The following SLC5A10 variants were observed in gnomAD, a reference collection of about 807,000 sequenced individuals.
The protein encoded by SLC5A10 is solute carrier family 5 member 10.
Under a neutral mutation model 68.9 loss-of-function variants are expected in SLC5A10, and 55 were observed. That is an observed-to-expected ratio of 0.80 (90% CI 0.64 to 1.00). SLC5A10 has a LOEUF of 1.00. SLC5A10 is among the 50% of genes least tolerant of loss of function. SLC5A10 has a pLI of 0.00. For missense variants in SLC5A10, 732 were observed against 819.3 expected (o/e 0.89, Z 1.30); for synonymous variants, 344 against 344.8 (o/e 1.00, Z 0.02).
chr17:18,952,331 G>A lies in SLC5A10; in HGVS notation c.111+15G>A. ...TGGGCATATGGGTAAGGGGACCTGT[G>A]GTGGTGTTGGCCAAGTGGGCTCTCA... On this transcript the variant is annotated intron_variant, in intron 1 of 14. Coordinates refer to ENST00000395645, the MANE Select transcript of SLC5A10 (RefSeq NM_001042450.4). The A allele has an allele frequency of 1.2e-6, 2 of 1,605,126 alleles. No individual in the cohort carries two copies. The highest frequency in any genetic ancestry group is 1.7e-6 in the Non-Finnish European group (2 of 1,175,632).
intron 1 of SLC5A10, among the ~76,000 whole-genome samples, chr17:18,953,169 A>C (rs1597806294): frequency 7.4e-6 from 1 of 134,352 alleles, no homozygotes; most frequent in African/African-American, 2.8e-5. Context: ...GGAGTCTAGC[A>C]CTGTCACCTG....
intron 9 of SLC5A10, among the ~76,000 whole-genome samples, chr17:19,008,713 A>G (rs1178737070): frequency 6.6e-6 from 1 of 151,838 alleles, no homozygotes; most frequent in Non-Finnish European, 1.5e-5. Flanking sequence ...GTTAGCCAGG[A>G]TGGTATCGAT....
Position 19,019,440 on chromosome 17 carries a change from T to G in SLC5A10, c.1259T>G (p.Leu420Arg), listed in dbSNP as rs1363137908. 1 of 1,610,930 alleles carries G rather than the reference T, an allele frequency of 6.2e-7. No homozygotes were observed. The highest frequency in any genetic ancestry group is 1.3e-5 in the African/African-American group (1 of 74,926). Reference sequence around the variant, plus strand: ...GCCTGCAGGCTGGTCATAGTGGCACTCATCGGCGTGAGTGTGGCCTGGATC... The same window carrying G: ...GCCTGCAGGCTGGTCATAGTGGCACGCATCGGCGTGAGTGTGGCCTGGATC... ...LLVGRLVIVA[L>R]IGVSVAWIPV... is the part of the protein sequence containing the mutation. Residue 420 changes from leucine (L) to arginine (R), a missense_variant, in exon 12 of 15, where the codon CTC becomes CGC. Transcript: ENST00000395645.
In SLC5A10 at chr17:18,971,383, G is replaced by A; in HGVS notation, c.846+165G>A. The stretch of plus-strand genomic sequence containing the variant: ...GCTAGGGGTCTTTGCGGTCCCGGGG[G>A]GCTTGAGCCCTCCGTTTAGAATCCG... On this transcript the variant is annotated intron_variant, in intron 8 of 14. Transcript: ENST00000395645. The surrounding 1 kb of genome is among the most constrained non-coding windows in gnomAD (Gnocchi z 5.5). 2 of 1,613,522 alleles carry A rather than the reference G, an allele frequency of 1.2e-6. No homozygotes were observed. The highest frequency in any genetic ancestry group is 2.2e-5 in the East Asian group (1 of 44,872).
chr17:18,952,088 G>A (rs560200072), upstream of SLC5A10: 620 of 1,462,642 alleles, frequency 4.2e-4, no homozygotes, highest in Non-Finnish European at 5.3e-4. Context: ...TCATGGGCTG[G>A]AGATGCCACT....
At position 18,977,307 on chromosome 17, in the gene SLC5A10, C is replaced by A. The variant is rs1451380343; in HGVS notation, c.982+318C>A. 3 of 581,416 alleles carry A rather than the reference C, an allele frequency of 5.2e-6. No homozygotes were observed. In the East Asian group the frequency reaches 8.8e-5, roughly 17 times the overall value. 36.0% of individuals were successfully genotyped at this position (581,416 alleles called of 1,614,324 possible). A position where few individuals can be genotyped will look rare whatever the true frequency, so the allele number is the denominator to read the frequency against. On this transcript the variant is annotated intron_variant, in intron 9 of 14. Coordinates refer to ENST00000395645, the MANE Select transcript of SLC5A10 (RefSeq NM_001042450.4). Reference sequence around the variant, plus strand: ...GGCAGGTGCCATCAAGATCCTCTAACCACAGGCTTTGGAGACCTCTAGGTG... The same window carrying A: ...GGCAGGTGCCATCAAGATCCTCTAAACACAGGCTTTGGAGACCTCTAGGTG...
chr17:18,998,396 T>C (rs1296104483), intron 9 of SLC5A10, among the ~76,000 whole-genome samples: 1 of 152,234 alleles, frequency 6.6e-6, no homozygotes, highest in African/African-American at 2.4e-5. Context: ...GCCAGGACCC[T>C]CAGCTGCAGG....
At position 19,022,187 on chromosome 17, in the gene SLC5A10, C is replaced by T. The variant is rs2044275964; in HGVS notation, c.*1756C>T. 1.7e-6 allele frequency: 2 copies of T among 1,160,846 alleles called. No individual in the cohort carries two copies. The highest frequency in any genetic ancestry group is 2.3e-6 in the Non-Finnish European group (2 of 858,006). The allele number at this position is 1,160,846 out of a possible 1,614,324, so 71.9% of individuals were successfully genotyped here. ...GGTTAGTAGGGTGCCTTCAGAAGCCCTGCAACCCACCCTCCCTCAGAGGCA... is the reference window on the plus strand; with the variant it reads ...GGTTAGTAGGGTGCCTTCAGAAGCCTTGCAACCCACCCTCCCTCAGAGGCA... On this transcript the variant is annotated 3_prime_UTR_variant, in exon 15 of 15. Coordinates refer to ENST00000395645, the MANE Select transcript of SLC5A10 (RefSeq NM_001042450.4).
rs1406749992 is a variant in SLC5A10, at chr17:19,015,199, G to A, written c.1241G>A (p.Arg414Gln). ...GAGCGGGAGCTCCTGCTGGTGGGAC[G>A]GTACGGGGGTGGGGGCCAGTACGGG... Reference protein sequence around the residue: ...SGERELLLVGRLVIVALIGVS... With the variant: ...SGERELLLVGQLVIVALIGVS... The change falls in exon 11 of 15, where the codon CGG (arginine) becomes CAG (glutamine). Residue 414 changes from arginine to glutamine, a missense_variant and splice_region_variant. Coordinates refer to ENST00000395645, the MANE Select transcript of SLC5A10 (RefSeq NM_001042450.4). 9.7e-6 allele frequency: 15 copies of A among 1,553,908 alleles called. No individual in the cohort carries two copies. Among genetic ancestry groups the A allele is most frequent in the Admixed American group, 3.4e-5 (2 of 58,248 alleles).
At chr17:19,015,678 C>T (rs954136391) in intron 11 of SLC5A10, among the ~76,000 whole-genome samples, 1 of 152,226 alleles carries the variant, frequency 6.6e-6, no homozygotes, top group Non-Finnish European at 1.5e-5. Flanking sequence ...ATGACTCATG[C>T]TGATCTTTCT....
intron 1 of SLC5A10, among the ~76,000 whole-genome samples, chr17:18,952,885 C>T (rs2042401235): frequency 6.6e-6 from 1 of 152,146 alleles, no homozygotes; most frequent in Non-Finnish European, 1.5e-5. Context: ...GGCAGCGGGG[C>T]CCCTGGGGAC....
intron 9 of SLC5A10, chr17:18,977,922 C>T (rs2043022934): frequency 6.2e-7 from 1 of 1,610,120 alleles, no homozygotes; most frequent in East Asian, 2.2e-5. Context: ...TCATCATCTT[C>T]TTCTTCCACC....
chr17:18,978,267 C>G, intron 9 of SLC5A10: 1 of 1,608,836 alleles, frequency 6.2e-7, no homozygotes, highest in Non-Finnish European at 8.5e-7. Context: ...GGCCTGCTGT[C>G]CTGGCTCTGC....
chr17:18,977,611 G>T, intron 9 of SLC5A10: 1 of 1,609,274 alleles, frequency 6.2e-7, no homozygotes. Flanking sequence ...TGGAGCGCTG[G>T]GCCTGCATCC....
rs944840808 is a variant in SLC5A10 at position 19,020,704 on chromosome 17, T to C, written c.*273T>C. 5 of 493,822 alleles carry C rather than the reference T, an allele frequency of 1.0e-5. No individual in the cohort carries two copies. Among genetic ancestry groups the C allele is most frequent in the Non-Finnish European group, 1.8e-5 (5 of 270,646 alleles). 30.6% of individuals were successfully genotyped at this position (493,822 alleles called of 1,614,324 possible). A position where few individuals can be genotyped will look rare whatever the true frequency, so the allele number is the denominator to read the frequency against. ...ACGGACATCCTGATGTTGGTTTTAC[T>C]GTTTTCGTTTTGAATACACAGGCTG... On this transcript the variant is annotated 3_prime_UTR_variant, in exon 15 of 15. Coordinates refer to ENST00000395645, the MANE Select transcript of SLC5A10 (RefSeq NM_001042450.4).
Position 19,003,477 on chromosome 17 carries a change from G to A in SLC5A10, c.983-9933G>A. On this transcript the variant is annotated intron_variant, in intron 9 of 14. Transcript: ENST00000395645. The surrounding 1 kb of genome is among the most constrained non-coding windows in gnomAD (Gnocchi z 4.5). ...GAGCCTGTATTGAGAGGGGTCCGGT[G>A]GCTGGTTGGGCCATGGCTCCAGGAG... The A allele has an allele frequency of 6.7e-7, 1 of 1,500,780 alleles. No homozygotes were observed. Among genetic ancestry groups the A allele is most frequent in the Non-Finnish European group, 8.9e-7 (1 of 1,124,918 alleles). The allele number at this position is 1,500,780 out of a possible 1,614,324, so 93.0% of individuals were successfully genotyped here.
At chr17:18,969,311 C>T in intron 6 of SLC5A10, 31 bp from the exon 7 acceptor site, 3 of 1,607,558 alleles carry the variant, frequency 1.9e-6, no homozygotes, top group Non-Finnish European at 2.6e-6. Flanking sequence ...GGGGCCAGGG[C>T]CCCCTCCAGC....
At chr17:18,989,094 G>A (rs892437895) in intron 9 of SLC5A10, among the ~76,000 whole-genome samples, 1 of 152,216 alleles carries the variant, frequency 6.6e-6, no homozygotes, top group African/African-American at 2.4e-5. Flanking sequence ...AGGGAGTCAG[G>A]ACAGGGCCTG....
intron 9 of SLC5A10, among the ~76,000 whole-genome samples, chr17:18,984,068 C>G (rs533804716): frequency 6.6e-6 from 1 of 152,156 alleles, no homozygotes; most frequent in African/African-American, 2.4e-5. Context: ...CTTGGCCGGG[C>G]GCGGTGGCTC....
Sources: gnomAD v4.1 joint callset for allele counts (sites outside exome capture counted in the v4.1 genomes callset) on GRCh38, gnomAD v4.1.1 for gene constraint, Gnocchi (gnomAD v3.1) non-coding constraint, MANE v1.5 for transcripts, NCBI Gene and HGNC (gene_info 2026-07-23, HGNC 2026-07-21) for gene names.